CDH4: variants seen among roughly 807,000 people sequenced by gnomAD.
The protein encoded by CDH4 is cadherin 4.
A neutral mutation model predicts 86.0 loss-of-function variants in CDH4; 33 were observed. The observed-to-expected ratio is 0.38, with a 90% confidence interval of 0.29 to 0.51. The LOEUF (loss-of-function observed/expected upper bound fraction) is 0.51, where lower values mean the gene tolerates loss of function less well. CDH4 is among the 20% of genes least tolerant of loss of function. The pLI, the probability that CDH4 is intolerant of heterozygous loss-of-function variation, is 0.86. For synonymous variants in CDH4, 555 were observed against 549.4 expected (o/e 1.01, Z -0.14); for missense variants, 1,114 against 1,307.4 (o/e 0.85, Z 2.28).
intron 4 of CDH4, among the ~76,000 whole-genome samples, chr20:61,787,098 T>TCATC (rs113099172): frequency 0.058 from 8,867 of 151,608 alleles, 834 homozygotes; most frequent in African/African-American, 0.2. Context: ...CATCCATCCA[T>TCATC]CATCCATCCA....
chr20:61,937,733 C>A lies in CDH4; in HGVS notation c.*790C>A, dbSNP rs2055213079. The A allele has an allele frequency of 6.6e-6, 1 of 152,388 alleles. No individual in the cohort carries two copies. Among genetic ancestry groups the A allele is most frequent in the African/African-American group, 2.4e-5 (1 of 41,446 alleles). 9.4% of individuals were successfully genotyped at this position (152,388 alleles called of 1,614,324 possible). ...GGCTCCACCCCCAGTCAACCCAGGC[C>A]TCCCTCAGGGACACCTGTCACCCTG... On this transcript the variant is annotated 3_prime_UTR_variant, in exon 16 of 16. Coordinates refer to ENST00000614565, the MANE Select transcript of CDH4 (RefSeq NM_001794.5).
chr20:61,536,870 G>C (rs565933858), intron 2 of CDH4, among the ~76,000 whole-genome samples: 2 of 152,306 alleles, frequency 1.3e-5, no homozygotes, highest in South Asian at 2.1e-4. Context: ...AGTGTGTTCA[G>C]CGCAGGGGCT....
intron 2 of CDH4, among the ~76,000 whole-genome samples, chr20:61,290,738 C>T (rs77387594): frequency 0.068 from 10,405 of 152,248 alleles, 497 homozygotes; most frequent in Non-Finnish European, 0.098. Context: ...CAGCCACCCA[C>T]AGTGGGCTGT....
chr20:61,805,406 CCA>C (rs1176035612), intron 4 of CDH4, among the ~76,000 whole-genome samples: 1 of 152,196 alleles, frequency 6.6e-6, no homozygotes, highest in Non-Finnish European at 1.5e-5. Context: ...GCTGGGTGTC[CCA>C]CAGAGCCACA....
chr20:61,509,505 A>G (rs1003733370), intron 2 of CDH4, among the ~76,000 whole-genome samples: 1 of 148,060 alleles, frequency 6.8e-6, no homozygotes, highest in Non-Finnish European at 1.5e-5. Flanking sequence ...ATGGGCCCTA[A>G]GGGAAGCCGA....
At chr20:61,818,722 C>G (rs535851199) in intron 4 of CDH4, among the ~76,000 whole-genome samples, 1 of 151,686 alleles carries the variant, frequency 6.6e-6, no homozygotes, top group Non-Finnish European at 1.5e-5. Flanking sequence ...AGTTGCTCTC[C>G]GCGTCTTGTA....
At chr20:61,505,778 T>G (rs1433962747) in intron 2 of CDH4, among the ~76,000 whole-genome samples, 1 of 151,626 alleles carries the variant, frequency 6.6e-6, no homozygotes, top group Admixed American at 6.6e-5. Flanking sequence ...GCTAATGTTC[T>G]CGTGTGTTTT....
intron 2 of CDH4, among the ~76,000 whole-genome samples, chr20:61,627,907 C>G (rs1274850672): frequency 1.3e-5 from 2 of 152,118 alleles, no homozygotes; most frequent in Non-Finnish European, 2.9e-5. Context: ...CTTGTTCTCA[C>G]CCCTCCCTTC....
At chr20:61,808,949 A>G (rs1045952295) in intron 4 of CDH4, among the ~76,000 whole-genome samples, 2 of 152,210 alleles carry the variant, frequency 1.3e-5, no homozygotes, top group African/African-American at 4.8e-5. Context: ...AGATAATGTG[A>G]CTTTCTAGAT....
intron 2 of CDH4, among the ~76,000 whole-genome samples, chr20:61,526,250 A>G (rs1340475083): frequency 1.3e-5 from 2 of 151,344 alleles, no homozygotes; most frequent in African/African-American, 4.9e-5. Flanking sequence ...CTTCGTAGGG[A>G]TAAACACGAC....
chr20:61,321,993 T>C (rs916490586), intron 2 of CDH4, among the ~76,000 whole-genome samples: 1 of 151,978 alleles, frequency 6.6e-6, no homozygotes, highest in Non-Finnish European at 1.5e-5. Context: ...ATTTTACAGG[T>C]GGGGAAACTG....
intron 8 of CDH4, 132 bp downstream of exon 8, chr20:61,895,179 C>T: frequency 9.0e-7 from 1 of 1,109,994 alleles, no homozygotes; most frequent in Non-Finnish European, 1.3e-6. Flanking sequence ...AAGAAAGGCC[C>T]TGGGCAGCGG....
At chr20:61,717,292 C>T (rs1041515585) in intron 2 of CDH4, among the ~76,000 whole-genome samples, 1 of 152,180 alleles carries the variant, frequency 6.6e-6, no homozygotes, top group African/African-American at 2.4e-5. Context: ...GAGCTAGTGA[C>T]AACACAGGGT....
intron 2 of CDH4, among the ~76,000 whole-genome samples, chr20:61,421,302 G>A (rs989525405): frequency 7.2e-5 from 11 of 152,318 alleles, no homozygotes; most frequent in Middle Eastern, 6.8e-3. Context: ...AAAGCACTGA[G>A]GGGTCTTTAT....
intron 2 of CDH4, among the ~76,000 whole-genome samples, chr20:61,737,020 G>A (rs988832343): frequency 3.3e-5 from 5 of 152,172 alleles, no homozygotes; most frequent in East Asian, 3.9e-4. Context: ...GCCCTGGGAC[G>A]AGTCCCAGGC....
chr20:61,809,205 T>C (rs1226311807), intron 4 of CDH4, among the ~76,000 whole-genome samples: 1 of 152,164 alleles, frequency 6.6e-6, no homozygotes, highest in East Asian at 1.9e-4. Flanking sequence ...GACGTGTTTC[T>C]AGGAAGGACG....
intron 2 of CDH4, among the ~76,000 whole-genome samples, chr20:61,284,239 G>A (rs1051782028): frequency 2.6e-5 from 4 of 151,920 alleles, no homozygotes; most frequent in South Asian, 4.2e-4. Flanking sequence ...GCTTGAACCC[G>A]GGAGGCATAG....
chr20:61,722,414 G>A (rs1381507139), intron 2 of CDH4, among the ~76,000 whole-genome samples: 2 of 152,202 alleles, frequency 1.3e-5, no homozygotes, highest in Non-Finnish European at 2.9e-5. Context: ...CCAGAAGTGA[G>A]GAAGGATTTC....
intron 2 of CDH4, among the ~76,000 whole-genome samples, chr20:61,318,439 CT>C (rs71331920): frequency 0.015 from 2,252 of 151,906 alleles, 25 homozygotes; most frequent in Middle Eastern, 0.034. Context: ...AACTGACGTT[CT>C]TTTTTTTTCT....
Sources: gnomAD v4.1 joint callset for allele counts (sites outside exome capture counted in the v4.1 genomes callset) on GRCh38, gnomAD v4.1.1 for gene constraint, MANE v1.5 for transcripts, NCBI Gene and HGNC (gene_info 2026-07-23, HGNC 2026-07-21) for gene names.